The following CENPO variants were observed in gnomAD, a reference collection of about 807,000 sequenced individuals.
CENPO encodes centromeric protein O.
In CENPO, 30 loss-of-function variants were observed where a neutral mutation model predicts 36.1. The observed-to-expected ratio is 0.83, with a 90% confidence interval of 0.62 to 1.13. The LOEUF is 1.13. Among genes scored for constraint, CENPO ranks in the 50% most tolerant of loss-of-function variants. CENPO has a pLI of 0.00. For missense variants in CENPO, 349 were observed against 357.8 expected (o/e 0.98, Z 0.20); for synonymous variants, 171 against 142.3 (o/e 1.20, Z -1.44).
intron 3 of CENPO, among the ~76,000 whole-genome samples, chr2:24,805,095 C>A (rs1003982285): frequency 1.5e-4 from 23 of 150,438 alleles, no homozygotes; most frequent in Admixed American, 9.3e-4. Flanking sequence ...ATCACTGATG[C>A]CCTTTCTTCC....
intron 3 of CENPO, among the ~76,000 whole-genome samples, chr2:24,812,241 C>T (rs1162831058): frequency 6.6e-6 from 1 of 152,088 alleles, no homozygotes; most frequent in Non-Finnish European, 1.5e-5. Flanking sequence ...ATTCTGTTGT[C>T]TTCTAGGGCC....
intron 2 of CENPO, among the ~76,000 whole-genome samples, chr2:24,797,436 T>G (rs1665955492): frequency 6.6e-6 from 1 of 152,130 alleles, no homozygotes. Flanking sequence ...GATACATATT[T>G]GTGTGGCATC....
In CENPO at chr2:24,820,036, TCC is replaced by T. The variant is rs1667316905; in HGVS notation, c.*721_*722del. 1 of 1,607,744 alleles carries T rather than the reference TCC, an allele frequency of 6.2e-7. No homozygotes were observed. The highest frequency in any genetic ancestry group is 1.3e-5 in the African/African-American group (1 of 74,326). On this transcript the variant is annotated 3_prime_UTR_variant, in exon 8 of 8. Coordinates refer to ENST00000380834, the MANE Select transcript of CENPO (RefSeq NM_001322101.2). ...AAGAAGAAGGTCAGCAGCTCCCCCT[TCC>T]CCTTCACAAAGATGGGGCCTCGCCT...
Position 24,822,303 on chromosome 2 carries a change from C to G in CENPO, c.*2985C>G. 1 of 632,042 alleles carries G rather than the reference C, an allele frequency of 1.6e-6. No homozygotes were observed. The highest frequency in any genetic ancestry group is 2.6e-6 in the Non-Finnish European group (1 of 383,720). 39.2% of individuals were successfully genotyped at this position (632,042 alleles called of 1,614,324 possible). A position where few individuals can be genotyped will look rare whatever the true frequency, so the allele number is the denominator to read the frequency against. On this transcript the variant is annotated 3_prime_UTR_variant, in exon 8 of 8. Coordinates refer to ENST00000380834, the MANE Select transcript of CENPO (RefSeq NM_001322101.2). ...AACCATCTTAGGCCTGAGCTGTGAA[C>G]AGCAGGGGGTTGTGTGTCTGTTCTG...
In CENPO at chr2:24,793,460, T is replaced by A; in HGVS notation, c.-110T>A. On this transcript the variant is annotated 5_prime_UTR_variant, in exon 1 of 8. Transcript: ENST00000380834. ...AGCACGCCGGGACCGGTTGGTTTGG[T>A]TTTGAAGACGTGGATGGCGGGAATT... 2 of 1,605,082 alleles carry A rather than the reference T, an allele frequency of 1.2e-6. No individual in the cohort carries two copies. Among genetic ancestry groups the A allele is most frequent in the East Asian group, 4.5e-5 (2 of 44,768 alleles).
In CENPO at chr2:24,815,486, G is replaced by C. The variant is rs779742790; in HGVS notation, c.335-11G>C. 1.2e-6 allele frequency: 2 copies of C among 1,613,120 alleles called. No homozygotes were observed. The highest frequency in any genetic ancestry group is 1.7e-5 in the Admixed American group (1 of 60,012). ...CTGCTGTCTATTGAGGTGTCTTCTTGTTTGCCTCAGGCCTCAGTGGTAAAC... is the reference window on the plus strand; with the variant it reads ...CTGCTGTCTATTGAGGTGTCTTCTTCTTTGCCTCAGGCCTCAGTGGTAAAC... On this transcript the variant is annotated splice_polypyrimidine_tract_variant and intron_variant, in intron 4 of 7. Coordinates refer to ENST00000380834, the MANE Select transcript of CENPO (RefSeq NM_001322101.2).
intron 6 of CENPO, among the ~76,000 whole-genome samples, 190 bp from the exon 7 acceptor site, chr2:24,817,480 G>T (rs1667001178): frequency 6.5e-5 from 2 of 30,764 alleles, no homozygotes; most frequent in African/African-American, 1.5e-4. Context: ...AAAAAAAGCT[G>T]TATGGGTCCA....
rs999938006 is a variant in CENPO, at chr2:24,817,812, T to G, written c.*6T>G. The G allele has an allele frequency of 1.9e-6, 3 of 1,614,134 alleles. No homozygotes were observed. The African/African-American group carries it at 4.0e-5, about 22-fold the overall frequency. On this transcript the variant is annotated 3_prime_UTR_variant, in exon 7 of 8. Transcript: ENST00000380834. ...ATATGAGTCTGGTCTCCTAATAGAT[T>G]GTTTTCACTGCACTGGGAGCACATC...
At chr2:24,804,464 C>T (rs1178656573) in intron 3 of CENPO, among the ~76,000 whole-genome samples, 1 of 152,104 alleles carries the variant, frequency 6.6e-6, no homozygotes, top group African/African-American at 2.4e-5. Flanking sequence ...GTGGCTGGTA[C>T]CGGTTGTTCC....
chr2:24,799,571 G>C, intron 2 of CENPO, 104 bp from the exon 3 acceptor site: 1 of 818,142 alleles, frequency 1.2e-6, no homozygotes, highest in Non-Finnish European at 1.8e-6. Flanking sequence ...ACAAAGTTCT[G>C]GTAAAAAAAA....
Position 24,821,714 on chromosome 2 carries a change from A to G in CENPO, c.*2396A>G, listed in dbSNP as rs899296357. 6.3e-7 allele frequency: 1 copy of G among 1,575,472 alleles called. No individual in the cohort carries two copies. The highest frequency in any genetic ancestry group is 1.7e-4 in the Middle Eastern group (1 of 5,748). The stretch of plus-strand genomic sequence containing the variant: ...AGCCTGCTCTGCTGCCTTCCCTGGC[A>G]GTGTTCTGGGGGTGGATTCCCTACA... On this transcript the variant is annotated 3_prime_UTR_variant, in exon 8 of 8. Coordinates refer to ENST00000380834, the MANE Select transcript of CENPO (RefSeq NM_001322101.2).
intron 1 of CENPO, 74 bp downstream of exon 1, chr2:24,793,575 G>A: frequency 2.7e-6 from 4 of 1,484,660 alleles, no homozygotes; most frequent in Middle Eastern, 1.8e-4. Context: ...CGGGCTGAAC[G>A]GCCTTCTTAA....
chr2:24,799,785 C>A lies in CENPO; in HGVS notation c.157C>A (p.His53Asn). Reference protein sequence around the residue: ...AQEGALGTKIHKLRRLRDELR... With the variant: ...AQEGALGTKINKLRRLRDELR... Reference sequence around the variant, plus strand: ...GGAAGGTGCTCTTGGAACCAAGATTCATAAACTAAGGCGTCTGCGAGATGA... The same window carrying A: ...GGAAGGTGCTCTTGGAACCAAGATTAATAAACTAAGGCGTCTGCGAGATGA... Residue 53 changes from histidine to asparagine, a missense_variant, in exon 3 of 8, where the codon CAT (histidine) becomes AAT (asparagine). Physicochemically the swap from His to Asn is moderately conservative, Grantham distance 68 (BLOSUM62 1). Coordinates refer to ENST00000380834, the MANE Select transcript of CENPO (RefSeq NM_001322101.2). 1 of 1,614,022 alleles carries A rather than the reference C, an allele frequency of 6.2e-7. No homozygotes were observed. The highest frequency in any genetic ancestry group is 8.5e-7 in the Non-Finnish European group (1 of 1,180,038).
At chr2:24,810,568 T>C (rs1204992188) in intron 3 of CENPO, among the ~76,000 whole-genome samples, 1 of 144,014 alleles carries the variant, frequency 6.9e-6, no homozygotes. Context: ...AGTGCAATGG[T>C]GCCATCTTGG....
At chr2:24,812,143 T>A (rs2148282782) in intron 3 of CENPO, among the ~76,000 whole-genome samples, 1 of 152,350 alleles carries the variant, frequency 6.6e-6, no homozygotes, top group Non-Finnish European at 1.5e-5. Flanking sequence ...AAGACATCTT[T>A]ATTTCACTAT....
chr2:24,809,095 T>C (rs1666561883), intron 3 of CENPO, among the ~76,000 whole-genome samples: 1 of 152,172 alleles, frequency 6.6e-6, no homozygotes, highest in African/African-American at 2.4e-5. Context: ...TGCAGTTTGT[T>C]CATTTTATGT....
At chr2:24,813,323 G>A (rs1467257792) in intron 3 of CENPO, among the ~76,000 whole-genome samples, 1 of 152,114 alleles carries the variant, frequency 6.6e-6, no homozygotes, top group African/African-American at 2.4e-5. Context: ...GTGTTTTTCT[G>A]GCAAGTAGAT....
intron 3 of CENPO, among the ~76,000 whole-genome samples, chr2:24,802,571 A>G (rs1666208092): frequency 6.6e-6 from 1 of 152,238 alleles, no homozygotes; most frequent in Non-Finnish European, 1.5e-5. Flanking sequence ...CCTTTTCTGC[A>G]TCTATCGAGA....
intron 3 of CENPO, among the ~76,000 whole-genome samples, chr2:24,807,168 G>A (rs1420148032): frequency 6.0e-5 from 9 of 151,132 alleles, no homozygotes; most frequent in African/African-American, 9.8e-5. Flanking sequence ...CCCTTCTTCC[G>A]TTCTTTTTTT....
Sources: gnomAD v4.1 joint callset for allele counts (sites outside exome capture counted in the v4.1 genomes callset) on GRCh38, gnomAD v4.1.1 for gene constraint, MANE v1.5 for transcripts, NCBI Gene and HGNC (gene_info 2026-07-23, HGNC 2026-07-21) for gene names.